The following ABI3BP variants were observed in gnomAD, a reference collection of about 807,000 sequenced individuals.
ABI3BP encodes target of Nesh-SH3.
ABI3BP carries 216 observed loss-of-function variants against 268.6 expected under a neutral mutation model. The ratio of observed to expected loss-of-function variants is 0.80; its 90% CI spans 0.72 to 0.90. The LOEUF is 0.90. Among genes scored for constraint, ABI3BP ranks in the 40% least tolerant of loss-of-function variants. The pLI is 0.00. For missense variants in ABI3BP, 2,090 were observed against 2,182.4 expected (o/e 0.96, Z 0.84); for synonymous variants, 730 against 730.0 (o/e 1.00, Z 0.00).
rs2096704372 is a variant in ABI3BP, at chr3:100,776,320, C to T, written c.4334-985G>A. Reference sequence around the variant, plus strand: ...GACCTGGCCTCCAGGGATGCATGTTCCTGACCCTAGTGAGTATGAGCCACA... The same window carrying T: ...GACCTGGCCTCCAGGGATGCATGTTTCTGACCCTAGTGAGTATGAGCCACA... On this transcript the variant is annotated intron_variant, in intron 59 of 67. Coordinates refer to ENST00000471714, the MANE Select transcript of ABI3BP (RefSeq NM_001375547.2). Among the ~76,000 whole-genome samples the T allele has an allele frequency of 2.6e-5, 4 of 152,184 alleles. No individual in the cohort carries two copies. In the South Asian group the frequency reaches 8.3e-4, roughly 32 times the overall value.
In ABI3BP at chr3:100,775,231, C is replaced by T; in HGVS notation, c.4438G>A (p.Val1480Ile). Residue 1480 changes from valine (V) to isoleucine (I), a missense_variant, in exon 60 of 68, where the codon GTT (valine) becomes ATT (isoleucine). Transcript: ENST00000471714. The stretch of plus-strand genomic sequence containing the variant: ...CCCAGTTCTTCTCCAGAGGCAGGAA[C>T]TGTTGGTTGCTTTATATCTGTCTCT... ...RIETDIKQPT[V>I]PASGEELENI... 1 of 1,612,424 alleles carries T rather than the reference C, an allele frequency of 6.2e-7. No individual in the cohort carries two copies. Among genetic ancestry groups the T allele is most frequent in the Non-Finnish European group, 8.5e-7 (1 of 1,179,224 alleles).
intron 58 of ABI3BP, 39 bp from the exon 59 acceptor site, chr3:100,778,415 C>T: frequency 1.3e-6 from 2 of 1,535,310 alleles, no homozygotes; most frequent in Non-Finnish European, 1.8e-6. Flanking sequence ...TAGATAAAGC[C>T]ATCATAAAGA....
intron 1 of ABI3BP, among the ~76,000 whole-genome samples, chr3:100,955,187 G>T (rs1209326206): frequency 6.6e-6 from 1 of 152,014 alleles, no homozygotes; most frequent in Non-Finnish European, 1.5e-5. Flanking sequence ...CTTGCTGTCT[G>T]CTCAGTAAAA....
chr3:100,840,894 A>G, intron 21 of ABI3BP, 36 bp from the exon 22 acceptor site: 1 of 1,501,120 alleles, frequency 6.7e-7, no homozygotes, highest in Non-Finnish European at 8.9e-7. Flanking sequence ...AGAAAGAATC[A>G]AGATCAAAGG....
chr3:100,782,205 C>T (rs1399196565), intron 57 of ABI3BP, among the ~76,000 whole-genome samples: 2 of 152,212 alleles, frequency 1.3e-5, no homozygotes, highest in Non-Finnish European at 2.9e-5. Context: ...TCCAAGGCTG[C>T]CAGCAGTCAC....
chr3:100,871,081 A>C (rs1461970709), intron 9 of ABI3BP, among the ~76,000 whole-genome samples: 1 of 152,180 alleles, frequency 6.6e-6, no homozygotes, highest in Non-Finnish European at 1.5e-5. Context: ...GCAGATGCAT[A>C]GGATGAATAA....
intron 47 of ABI3BP, 32 bp downstream of exon 47, chr3:100,811,696 T>C (rs1298540237): frequency 5.3e-6 from 8 of 1,521,762 alleles, no homozygotes; most frequent in Non-Finnish European, 6.2e-6. Flanking sequence ...ATGTGTGGAA[T>C]AAATGAATCA....
intron 2 of ABI3BP, among the ~76,000 whole-genome samples, chr3:100,916,924 A>G (rs545852832): frequency 6.6e-6 from 1 of 152,166 alleles, no homozygotes; most frequent in Non-Finnish European, 1.5e-5. Flanking sequence ...TTTCAACTAA[A>G]CTAGGGTACT....
chr3:100,927,271 C>A (rs2062063883), intron 1 of ABI3BP, among the ~76,000 whole-genome samples: 1 of 152,058 alleles, frequency 6.6e-6, no homozygotes, highest in Non-Finnish European at 1.5e-5. Flanking sequence ...AGGTCTTGAC[C>A]AAATGGTGAG....
At chr3:100,774,787 T>C in intron 60 of ABI3BP, 114 bp from the exon 61 acceptor site, 1 of 836,238 alleles carries the variant, frequency 1.2e-6, no homozygotes. Flanking sequence ...CTGCTTGCAG[T>C]TTTGATTTTT....
At chr3:100,938,285 C>T (rs2153698496) in intron 1 of ABI3BP, among the ~76,000 whole-genome samples, 1 of 147,278 alleles carries the variant, frequency 6.8e-6, no homozygotes, top group Non-Finnish European at 1.5e-5. Flanking sequence ...CACATGTACC[C>T]CTGAACCTAA....
intron 1 of ABI3BP, among the ~76,000 whole-genome samples, chr3:100,973,147 T>C (rs1354413786): frequency 2.0e-5 from 3 of 152,314 alleles, no homozygotes; most frequent in East Asian, 1.9e-4. Flanking sequence ...ATGTGCCTTA[T>C]GGAGCAAAAA....
intron 1 of ABI3BP, among the ~76,000 whole-genome samples, chr3:100,927,761 T>C (rs1221751945): frequency 2.0e-5 from 3 of 152,040 alleles, no homozygotes; most frequent in South Asian, 2.1e-4. Context: ...ACCTCTAACA[T>C]TGGGGATTAC....
intron 33 of ABI3BP, 28 bp from the exon 34 acceptor site, chr3:100,828,480 C>G (rs2098427443): frequency 6.7e-7 from 1 of 1,501,530 alleles, no homozygotes; most frequent in South Asian, 1.2e-5. Flanking sequence ...AAATAAAACA[C>G]CAACAAAACA....
chr3:100,876,624 G>A (rs1017425830), intron 6 of ABI3BP, 64 bp from the exon 7 acceptor site: 40 of 1,451,792 alleles, frequency 2.8e-5, no homozygotes, highest in African/African-American at 2.8e-5. Flanking sequence ...TCTTTAAAAC[G>A]TTCGGAGAAC....
In ABI3BP at chr3:100,833,909, C is replaced by T. The variant is rs117192613; in HGVS notation, c.2282-752G>A. On this transcript the variant is annotated intron_variant, in intron 29 of 67. Coordinates refer to ENST00000471714, the MANE Select transcript of ABI3BP (RefSeq NM_001375547.2). ...CTATCCTTCCAATGTCACCCTCACA[C>T]GACACCTTCCTGCCTCTGTTTATAT... 4.5e-4 allele frequency among the ~76,000 whole-genome samples: 69 copies of T among 152,298 alleles called. 1 individual carries two copies. In the East Asian group the frequency reaches 9.5e-3, roughly 21 times the overall value.
At chr3:100,785,497 G>A (rs1348387608) in intron 57 of ABI3BP, among the ~76,000 whole-genome samples, 2 of 152,170 alleles carry the variant, frequency 1.3e-5, no homozygotes, top group Non-Finnish European at 2.9e-5. Context: ...TCTGAGAGCT[G>A]TTGTTTTCCA....
At chr3:100,829,211 T>G (rs1285857733) in intron 33 of ABI3BP, among the ~76,000 whole-genome samples, 1 of 151,652 alleles carries the variant, frequency 6.6e-6, no homozygotes, top group Non-Finnish European at 1.5e-5. Flanking sequence ...ACCTAGAAAA[T>G]TTACTATCTG....
intron 27 of ABI3BP, among the ~76,000 whole-genome samples, chr3:100,836,101 T>C (rs184367185): frequency 1.3e-5 from 2 of 152,248 alleles, no homozygotes; most frequent in Non-Finnish European, 2.9e-5. Flanking sequence ...TTTGTGAGAG[T>C]TGTGCAAAAG....
Sources: gnomAD v4.1 joint callset for allele counts (sites outside exome capture counted in the v4.1 genomes callset) on GRCh38, gnomAD v4.1.1 for gene constraint, MANE v1.5 for transcripts, NCBI Gene and HGNC (gene_info 2026-07-23, HGNC 2026-07-21) for gene names.